Variants in RASA3 observed in about 807,000 individuals in gnomAD.
The protein encoded by RASA3 is ras GTPase-activating protein 3.
RASA3 carries 73 observed loss-of-function variants against 110.0 expected under a neutral mutation model. The ratio of observed to expected loss-of-function variants is 0.66; its 90% confidence interval spans 0.55 to 0.81. The LOEUF (loss-of-function observed/expected upper bound fraction) is 0.81, where lower values mean the gene tolerates loss of function less well. Among genes scored for constraint, RASA3 ranks in the 30% least tolerant of loss-of-function variants. The probability of loss-of-function intolerance (pLI) is 0.00; values close to 1 mark genes in which losing one functional copy is unlikely to be tolerated. For synonymous variants in RASA3, 500 were observed against 451.4 expected (o/e 1.11, Z -1.37); for missense variants, 976 against 1,113.2 (o/e 0.88, Z 1.75).
intron 4 of RASA3, among the ~76,000 whole-genome samples, chr13:114,032,675 G>A (rs1442469494): frequency 2.4e-4 from 27 of 112,212 alleles, no homozygotes; most frequent in Non-Finnish European, 3.8e-4. Context: ...TTGGCACCAC[G>A]TTCCACGGCA....
chr13:114,061,679 A>C (rs904616163), intron 2 of RASA3, among the ~76,000 whole-genome samples: 2 of 150,208 alleles, frequency 1.3e-5, no homozygotes, highest in Non-Finnish European at 3.0e-5. Flanking sequence ...TCTGTCTCAA[A>C]AAAAAAAAAA....
At chr13:114,052,188 A>G (rs1273117782) in intron 2 of RASA3, 33 bp from the exon 3 acceptor site, 1 of 1,480,826 alleles carries the variant, frequency 6.8e-7, no homozygotes, top group Non-Finnish European at 9.4e-7. Context: ...CAGTTAGAAC[A>G]CAGGCCACGC....
rs1483827941 is a variant in RASA3 at position 114,005,780 on chromosome 13, C to CG, written c.1742+1752_1742+1753insC. On this transcript the variant is annotated intron_variant, in intron 18 of 23. Transcript: ENST00000334062. ...CCGGATGCCACCTTACCCTTCTCCC[C>CG]CCTCCTGCCCTGCCGGACACCACCT... Among the ~76,000 whole-genome samples, 81 of 149,874 alleles carry CG rather than the reference C, an allele frequency of 5.4e-4. 10 individuals are homozygous for CG. Among genetic ancestry groups the CG allele is most frequent in the Non-Finnish European group, 8.8e-4 (59 of 67,294 alleles).
At chr13:113,999,734 G>A (rs1463465078) in intron 19 of RASA3, 67 bp from the exon 20 acceptor site, 12 of 1,379,322 alleles carry the variant, frequency 8.7e-6, no homozygotes, top group Non-Finnish European at 1.2e-5. Flanking sequence ...GGGTGGGGCT[G>A]AGGGGTCTCT....
At position 114,000,896 on chromosome 13, in the gene RASA3, A is replaced by C; in HGVS notation, c.1779T>G (p.Phe593Leu). 6.2e-7 allele frequency: 1 copy of C among 1,613,796 alleles called. No individual in the cohort carries two copies. The highest frequency in any genetic ancestry group is 8.5e-7 in the Non-Finnish European group (1 of 1,179,848). ...MIKRAQGRKR[F>L]GMKNFKKRWF... ...ATCTCTTCTTAAAATTCTTCATCCC[A>C]AAGCGCTTCCGTCCTTGGGCCCTCT... Residue 593 changes from phenylalanine to leucine, a missense_variant, in exon 19 of 24, where the codon TTT becomes TTG. By Grantham distance (22) the Phe-to-Leu change is conservative. Coordinates refer to ENST00000334062, the MANE Select transcript of RASA3 (RefSeq NM_007368.4).
chr13:114,001,006 C>T, intron 18 of RASA3, 74 bp from the exon 19 acceptor site: 2 of 951,210 alleles, frequency 2.1e-6, no homozygotes, highest in South Asian at 1.3e-5. Context: ...CCACACCCCC[C>T]ACTTTCTGCG....
In RASA3 at chr13:113,981,743, A is replaced by G. The variant is rs1441757566; in HGVS notation, c.2361T>C (p.Val787=). The G allele has an allele frequency of 2.5e-6, 4 of 1,614,092 alleles. No homozygotes were observed. Among genetic ancestry groups the G allele is most frequent in the Non-Finnish European group, 3.4e-6 (4 of 1,179,998 alleles). The change falls in exon 23 of 24, where the codon GTT becomes GTC. Residue 787 remains valine, a synonymous_variant. Transcript: ENST00000334062. ...YKTLKQVIAG[V]GALEQEHAQY... ...GGGCGTGCTCCTGCTCCAAAGCCCCAACCCCAGCGATGACTTGCTTTAGCG... is the reference window on the plus strand; with the variant it reads ...GGGCGTGCTCCTGCTCCAAAGCCCCGACCCCAGCGATGACTTGCTTTAGCG...
Position 114,010,338 on chromosome 13 carries a change from G to A in RASA3, c.1590+833C>T, listed in dbSNP as rs80296921. Among the ~76,000 whole-genome samples the A allele has an allele frequency of 1.4e-3, 210 of 152,070 alleles. 1 individual carries two copies. The highest frequency in any genetic ancestry group is 4.8e-3 in the African/African-American group (200 of 41,512). ...GCCCTCTCCAGACGGAGCCCCGAGGGGGCCCGAAGGCATCGAACTGCCCTG... is the reference window on the plus strand; with the variant it reads ...GCCCTCTCCAGACGGAGCCCCGAGGAGGCCCGAAGGCATCGAACTGCCCTG... On this transcript the variant is annotated intron_variant, in intron 16 of 23. Coordinates refer to ENST00000334062, the MANE Select transcript of RASA3 (RefSeq NM_007368.4).
At chr13:114,082,768 A>G (rs949176720) in intron 1 of RASA3, among the ~76,000 whole-genome samples, 11 of 152,236 alleles carry the variant, frequency 7.2e-5, no homozygotes, top group African/African-American at 1.9e-4. Flanking sequence ...GGTGGTCCCA[A>G]CAGAGGTTTA....
intron 1 of RASA3, among the ~76,000 whole-genome samples, chr13:114,080,757 G>C (rs1319000900): frequency 1.3e-5 from 1 of 78,686 alleles, no homozygotes; most frequent in Non-Finnish European, 2.5e-5. Context: ...ACTATGGGCT[G>C]TGCAAATGGC....
In RASA3 at chr13:113,979,296, G is replaced by A. The variant is rs757111351; in HGVS notation, c.*51C>T. 6.5e-5 allele frequency: 96 copies of A among 1,483,532 alleles called. No individual in the cohort carries two copies. Among genetic ancestry groups the A allele is most frequent in the Non-Finnish European group, 8.9e-5 (95 of 1,062,144 alleles). The allele number at this position is 1,483,532 out of a possible 1,614,324, so 91.9% of individuals were successfully genotyped here. ...CCTTCTCTTCTCCCTCCCAAAGGCTGCGGCTTTGCATGGGCAGCTTGCTGG... is the reference window on the plus strand; with the variant it reads ...CCTTCTCTTCTCCCTCCCAAAGGCTACGGCTTTGCATGGGCAGCTTGCTGG... On this transcript the variant is annotated 3_prime_UTR_variant, in exon 24 of 24. Transcript: ENST00000334062.
chr13:114,029,976 A>G, intron 4 of RASA3, 89 bp from the exon 5 acceptor site: 2 of 1,281,070 alleles, frequency 1.6e-6, no homozygotes, highest in Non-Finnish European at 2.2e-6. Context: ...CCTAGAGGGC[A>G]AAGGGAGCAG....
rs2053736248 is a variant in RASA3 at position 114,014,099 on chromosome 13, TCTCC to T, written c.1406-855_1406-852del. Among the ~76,000 whole-genome samples the T allele has an allele frequency of 6.6e-6, 1 of 150,548 alleles. No individual in the cohort carries two copies. The highest frequency in any genetic ancestry group is 1.5e-5 in the Non-Finnish European group (1 of 67,848). ...GTCTGTCTCTGCCTCTCTCTCCGTC[TCTCC>T]CTGTCTCTCTCTCTCTCTCCTTGTC... On this transcript the variant is annotated intron_variant, in intron 14 of 23. Transcript: ENST00000334062. The surrounding 1 kb of genome is among the most constrained non-coding windows in gnomAD (Gnocchi z 4.5).
intron 1 of RASA3, among the ~76,000 whole-genome samples, chr13:114,121,164 T>C (rs1442600717): frequency 6.6e-6 from 1 of 152,126 alleles, no homozygotes; most frequent in African/African-American, 2.4e-5. Context: ...AGATCCCAAG[T>C]TGTGGAAAGT....
rs1225507584 is a variant in RASA3 at position 114,115,515 on chromosome 13, G to A, written c.55+16920C>T. 3.3e-5 allele frequency among the ~76,000 whole-genome samples: 5 copies of A among 152,194 alleles called. No homozygotes were observed. The highest frequency in any genetic ancestry group is 4.1e-4 in the South Asian group (2 of 4,824). ...GATTCATTAATACTCACTTCCTGTC[G>A]CAAGAGACTCATGCCCTAGAGATAA... On this transcript the variant is annotated intron_variant, in intron 1 of 23. Coordinates refer to ENST00000334062, the MANE Select transcript of RASA3 (RefSeq NM_007368.4). This position sits in a 1 kb window ranked among gnomAD's most constrained non-coding sequence, Gnocchi z 5.0.
At chr13:114,080,076 C>G (rs748437284) in intron 1 of RASA3, among the ~76,000 whole-genome samples, 3 of 152,168 alleles carry the variant, frequency 2.0e-5, no homozygotes, top group African/African-American at 7.2e-5. Flanking sequence ...TCCTCTGGGC[C>G]GAGTCGAGGG....
At chr13:114,090,176 C>T (rs866059508) in intron 1 of RASA3, among the ~76,000 whole-genome samples, 3 of 152,326 alleles carry the variant, frequency 2.0e-5, no homozygotes, top group South Asian at 2.1e-4. Flanking sequence ...CGGGTGGGGC[C>T]GCACGGCAAC....
intron 1 of RASA3, among the ~76,000 whole-genome samples, chr13:114,095,548 T>A (rs1323562054): frequency 1.3e-5 from 2 of 152,188 alleles, no homozygotes; most frequent in African/African-American, 4.8e-5. Flanking sequence ...GATTTTTCCA[T>A]GCTGTAGTCT....
intron 1 of RASA3, among the ~76,000 whole-genome samples, chr13:114,118,165 C>T (rs2080321606): frequency 6.6e-6 from 1 of 152,170 alleles, no homozygotes; most frequent in African/African-American, 2.4e-5. Context: ...TTATTTATCC[C>T]TTACTCTATA....
Sources: allele counts gnomAD v4.1 joint callset (sites outside exome capture counted in the v4.1 genomes callset), GRCh38; gene constraint gnomAD v4.1.1; non-coding constraint Gnocchi (gnomAD v3.1); transcripts MANE v1.5; gene names NCBI Gene and HGNC (gene_info 2026-07-23, HGNC 2026-07-21).